Variants in LTBP1 observed in about 807,000 individuals in gnomAD.
LTBP1 encodes latent-transforming growth factor beta-binding protein 1.
Under a neutral mutation model 207.6 loss-of-function variants are expected in LTBP1, and 129 were observed. That is an observed-to-expected ratio of 0.62 (90% CI 0.54 to 0.72). LTBP1 has a LOEUF of 0.72. Ranked by LOEUF, LTBP1 falls within the 30% of genes least tolerant of loss-of-function variation. The pLI is 0.00. For synonymous variants in LTBP1, 963 were observed against 833.7 expected, an observed-to-expected ratio of 1.16 and a Z score of -2.67; for missense variants, 2,281 against 2,217.2, an observed-to-expected ratio of 1.03 and a Z score of -0.58.
At chr2:33,046,851 G>A (rs1195108315) in intron 3 of LTBP1, among the ~76,000 whole-genome samples, 1 of 152,160 alleles carries the variant, frequency 6.6e-6, no homozygotes, top group African/African-American at 2.4e-5. Context: ...GAGGGTGTAT[G>A]TGTCCAGGAA....
chr2:33,246,497 ACACACACACAGG>A (rs1355060708), intron 10 of LTBP1, among the ~76,000 whole-genome samples: 2,298 of 152,168 alleles, frequency 0.015, 64 homozygotes, highest in African/African-American at 0.053. Context: ...ACACACACAG[ACACACACACAGG>A]CACTCAACAC....
intron 24 of LTBP1, among the ~76,000 whole-genome samples, chr2:33,326,669 A>ATTTATTTATTTT (rs35105305): frequency 2.0e-5 from 3 of 151,470 alleles, no homozygotes; most frequent in African/African-American, 7.3e-5. Flanking sequence ...TTATTTATTT[A>ATTTATTTATTTT]TTTTTTGGAG....
At chr2:33,150,349 C>T (rs1253749316) in intron 5 of LTBP1, among the ~76,000 whole-genome samples, 2 of 152,106 alleles carry the variant, frequency 1.3e-5, no homozygotes, top group Non-Finnish European at 2.9e-5. Flanking sequence ...TGAGACCCCC[C>T]AAACCCATAA....
At chr2:33,375,741 A>C (rs1178416436) in intron 31 of LTBP1, among the ~76,000 whole-genome samples, 6 of 142,582 alleles carry the variant, frequency 4.2e-5, no homozygotes, top group Non-Finnish European at 7.6e-5. Flanking sequence ...ACGGGGTTTC[A>C]CCATGTTAGC....
intron 11 of LTBP1, 113 bp from the exon 12 acceptor site, chr2:33,257,171 A>C (rs933797090): frequency 1.4e-6 from 1 of 734,332 alleles, no homozygotes; most frequent in African/African-American, 1.8e-5. Flanking sequence ...GAAGTTTTAA[A>C]ATGTAACTAC....
At chr2:32,996,543 G>A (rs796143181) in intron 2 of LTBP1, among the ~76,000 whole-genome samples, 3 of 152,114 alleles carry the variant, frequency 2.0e-5, no homozygotes, top group South Asian at 2.1e-4. Flanking sequence ...CTAGATGCTG[G>A]GGGTGCAGTG....
intron 32 of LTBP1, among the ~76,000 whole-genome samples, chr2:33,389,979 T>C (rs2095301671): frequency 6.6e-6 from 1 of 152,186 alleles, no homozygotes; most frequent in Admixed American, 6.5e-5. Context: ...CTCTTCTCTT[T>C]AAGTGGTGGA....
rs182715754 is a variant in LTBP1 at position 33,217,897 on chromosome 2, A to G, written c.1804+243A>G. Reference sequence around the variant, plus strand: ...AGTTGGATTACTTATGGGGAAAAAAAGTCTTAAGTGGTAATGAGTTAAAAT... The same window carrying G: ...AGTTGGATTACTTATGGGGAAAAAAGGTCTTAAGTGGTAATGAGTTAAAAT... On this transcript the variant is annotated intron_variant, in intron 8 of 33. Transcript: ENST00000404816. Among the ~76,000 whole-genome samples the G allele has an allele frequency of 3.5e-4, 53 of 152,336 alleles. No individual in the cohort carries two copies. In the East Asian group the frequency reaches 9.1e-3, roughly 26 times the overall value.
chr2:33,155,029 T>C (rs143868650), intron 5 of LTBP1, among the ~76,000 whole-genome samples: 2,285 of 152,208 alleles, frequency 0.015, 21 homozygotes, highest in East Asian at 0.027. Context: ...TGCCATTGCA[T>C]TCCAGCCTGG....
At chr2:33,116,107 G>A (rs1236815877) in intron 4 of LTBP1, among the ~76,000 whole-genome samples, 1 of 152,202 alleles carries the variant, frequency 6.6e-6, no homozygotes, top group Non-Finnish European at 1.5e-5. Context: ...CAATGGCCAT[G>A]TAACTGACAT....
At chr2:33,146,427 C>CAG (rs2083047957) in intron 5 of LTBP1, among the ~76,000 whole-genome samples, 1 of 152,184 alleles carries the variant, frequency 6.6e-6, no homozygotes, top group African/African-American at 2.4e-5. Flanking sequence ...CAGACATGGG[C>CAG]AGAGCGGAGG....
chr2:33,146,397 T>A (rs1403351077), intron 5 of LTBP1, among the ~76,000 whole-genome samples: 2 of 152,174 alleles, frequency 1.3e-5, no homozygotes, highest in Non-Finnish European at 2.9e-5. Flanking sequence ...CAATGTTGAG[T>A]CACACAGACA....
intron 3 of LTBP1, among the ~76,000 whole-genome samples, chr2:33,040,502 C>G (rs1368809727): frequency 6.6e-6 from 1 of 152,170 alleles, no homozygotes; most frequent in African/African-American, 2.4e-5. Flanking sequence ...GTGCCTTTTC[C>G]TACTCCACAG....
chr2:33,253,258 A>T (rs922594800), intron 11 of LTBP1, among the ~76,000 whole-genome samples: 4 of 152,138 alleles, frequency 2.6e-5, no homozygotes, highest in Non-Finnish European at 4.4e-5. Context: ...TATCGTGCTT[A>T]ATTTCTTTAA....
intron 19 of LTBP1, among the ~76,000 whole-genome samples, chr2:33,283,061 CAAAAAAA>C (rs201168175): frequency 2.6e-3 from 130 of 49,474 alleles, no homozygotes; most frequent in Middle Eastern, 7.9e-3. Context: ...GACTCCATCT[CAAAAAAA>C]AAAAAAAAAA....
At chr2:33,316,411 T>G (rs1424245519) in intron 24 of LTBP1, among the ~76,000 whole-genome samples, 1 of 152,220 alleles carries the variant, frequency 6.6e-6, no homozygotes, top group Non-Finnish European at 1.5e-5. Context: ...AACCAAGCCG[T>G]GTGCCAGCAA....
chr2:33,354,716 AC>A (rs2094833845), intron 26 of LTBP1, among the ~76,000 whole-genome samples: 2 of 132,026 alleles, frequency 1.5e-5, no homozygotes, highest in Non-Finnish European at 3.4e-5. Flanking sequence ...ACACACACAC[AC>A]ACACACACAC....
intron 5 of LTBP1, among the ~76,000 whole-genome samples, chr2:33,138,977 G>A (rs2082397051): frequency 1.4e-5 from 2 of 144,946 alleles, no homozygotes; most frequent in Admixed American, 1.4e-4. Context: ...TCCTGCCTCA[G>A]CCTCCCGAGT....
At chr2:33,238,121 A>G (rs192579873) in intron 9 of LTBP1, among the ~76,000 whole-genome samples, 19 of 152,156 alleles carry the variant, frequency 1.2e-4, no homozygotes, top group Admixed American at 1.2e-3. Flanking sequence ...ATTAAGAGGT[A>G]TTTTTCTGCT....
Sources: gnomAD v4.1 joint callset for allele counts (sites outside exome capture counted in the v4.1 genomes callset) on GRCh38, gnomAD v4.1.1 for gene constraint, MANE v1.5 for transcripts, NCBI Gene and HGNC (gene_info 2026-07-23, HGNC 2026-07-21) for gene names.